The following LYPLAL1 variants were observed in gnomAD, a reference collection of about 807,000 sequenced individuals.
LYPLAL1 encodes lysophospholipase-like protein 1.
Under a neutral mutation model 19.7 loss-of-function variants are expected in LYPLAL1, and 23 were observed. The observed-to-expected ratio is 1.17, with a 90% CI of 0.84 to 1.65. The LOEUF is 1.65. Among genes scored for constraint, LYPLAL1 ranks in the 40% most tolerant of loss-of-function variants. LYPLAL1 has a pLI of 0.00. For synonymous variants in LYPLAL1, 119 were observed against 96.3 expected (o/e 1.24, Z -1.38); for missense variants, 355 against 279.4 (o/e 1.27, Z -1.93).
the LYPLAL1 span, among the ~76,000 whole-genome samples, chr1:219,297,194 A>T: frequency 6.6e-6 from 1 of 152,238 alleles, no homozygotes; most frequent in Non-Finnish European, 1.5e-5. Context: ...ACTGTTAAAG[A>T]ATTACCTACC....
the LYPLAL1 span, among the ~76,000 whole-genome samples, chr1:219,355,999 T>C: frequency 6.6e-6 from 1 of 152,166 alleles, no homozygotes; most frequent in Non-Finnish European, 1.5e-5. Context: ...CTTTATACTA[T>C]TAAAAATTCT....
chr1:219,319,219 T>A, the LYPLAL1 span, among the ~76,000 whole-genome samples: 543 of 152,312 alleles, frequency 3.6e-3, 6 homozygotes, highest in African/African-American at 0.012. Flanking sequence ...GCTGGGCAGC[T>A]GGACTCAGAC....
intron 2 of LYPLAL1, 37 bp from the exon 3 acceptor site, chr1:219,193,040 TTTTCC>T: frequency 5.5e-6 from 8 of 1,464,842 alleles, no homozygotes; most frequent in South Asian, 1.3e-5. Context: ...TCATATTCCC[TTTTCC>T]TTTCTTTTTT....
the LYPLAL1 span, among the ~76,000 whole-genome samples, chr1:219,305,173 A>G: frequency 6.6e-6 from 1 of 152,162 alleles, no homozygotes; most frequent in Non-Finnish European, 1.5e-5. Context: ...TACAGTGTGG[A>G]GATGAAAGGT....
At chr1:219,264,862 G>A in the LYPLAL1 span, among the ~76,000 whole-genome samples, 8 of 152,188 alleles carry the variant, frequency 5.3e-5, no homozygotes, top group Non-Finnish European at 7.3e-5. Context: ...ATAAGTCCCT[G>A]ATGTAAAACT....
At chr1:219,357,610 C>CA in the LYPLAL1 span, among the ~76,000 whole-genome samples, 2,200 of 152,140 alleles carry the variant, frequency 0.014, 67 homozygotes, top group Admixed American at 0.086. Flanking sequence ...CAAGTGGACC[C>CA]AAGGCACCAT....
At chr1:219,420,109 G>A in the LYPLAL1 span, among the ~76,000 whole-genome samples, 1 of 152,206 alleles carries the variant, frequency 6.6e-6, no homozygotes, top group African/African-American at 2.4e-5. Flanking sequence ...GATCTTGGCA[G>A]GAAGACTTGG....
chr1:219,444,070 T>C, the LYPLAL1 span, among the ~76,000 whole-genome samples: 1 of 150,294 alleles, frequency 6.7e-6, no homozygotes, highest in African/African-American at 2.4e-5. Context: ...TAGGAATCCA[T>C]TTTTTTTTTC....
the LYPLAL1 span, among the ~76,000 whole-genome samples, chr1:219,298,411 A>G: frequency 1.2e-4 from 18 of 152,254 alleles, no homozygotes; most frequent in Non-Finnish European, 2.2e-4. Context: ...ATATGAAAAC[A>G]CGACCACTAA....
chr1:219,207,224 G>T (rs1263749075), intron 3 of LYPLAL1, among the ~76,000 whole-genome samples: 1 of 151,802 alleles, frequency 6.6e-6, no homozygotes, highest in East Asian at 1.9e-4. Context: ...TTTAAATGGT[G>T]ACCATATTTT....
the LYPLAL1 span, among the ~76,000 whole-genome samples, chr1:219,402,697 G>C: frequency 6.7e-6 from 1 of 150,270 alleles, no homozygotes; most frequent in Non-Finnish European, 1.5e-5. Context: ...TGTATAGTAT[G>C]CATCATTTGG....
chr1:219,389,013 T>G, the LYPLAL1 span, among the ~76,000 whole-genome samples: 2 of 152,204 alleles, frequency 1.3e-5, no homozygotes, highest in African/African-American at 4.8e-5. Context: ...AAAGAGTTTC[T>G]TTACACATTT....
intron 1 of LYPLAL1, chr1:219,174,374 AAT>A: frequency 1.1e-6 from 1 of 887,398 alleles, no homozygotes; most frequent in African/African-American, 1.8e-5. Flanking sequence ...TTTCAGTCGT[AAT>A]TGCCCATTGC....
chr1:219,283,769 C>T, the LYPLAL1 span, among the ~76,000 whole-genome samples: 1 of 152,122 alleles, frequency 6.6e-6, no homozygotes, highest in East Asian at 1.9e-4. Context: ...TGTATTGCTG[C>T]ATTTGTGATC....
chr1:219,439,324 GT>G, the LYPLAL1 span, among the ~76,000 whole-genome samples: 1 of 152,136 alleles, frequency 6.6e-6, no homozygotes, highest in Non-Finnish European at 1.5e-5. Context: ...TAGATTACAA[GT>G]TTTTTGAGGA....
At chr1:219,384,732 T>A in the LYPLAL1 span, among the ~76,000 whole-genome samples, 1 of 152,216 alleles carries the variant, frequency 6.6e-6, no homozygotes, top group Non-Finnish European at 1.5e-5. Flanking sequence ...TATTGTTTGA[T>A]CTGTTTTATT....
chr1:219,402,438 T>G, the LYPLAL1 span, among the ~76,000 whole-genome samples: 1 of 152,124 alleles, frequency 6.6e-6, no homozygotes, highest in African/African-American at 2.4e-5. Flanking sequence ...ACATGATCAT[T>G]TATATTTGAA....
the LYPLAL1 span, among the ~76,000 whole-genome samples, chr1:219,312,964 C>G: frequency 4.4e-3 from 669 of 152,322 alleles, 7 homozygotes; most frequent in African/African-American, 0.015. Context: ...TACAGTCACA[C>G]TTCAATGATT....
At chr1:219,300,917 C>T in the LYPLAL1 span, among the ~76,000 whole-genome samples, 1 of 152,042 alleles carries the variant, frequency 6.6e-6, no homozygotes, top group Non-Finnish European at 1.5e-5. Context: ...AAGTTTGCTT[C>T]CTCTTTTCAA....
Sources: gnomAD v4.1 joint callset for allele counts (sites outside exome capture counted in the v4.1 genomes callset) on GRCh38, gnomAD v4.1.1 for gene constraint, MANE v1.5 for transcripts, NCBI Gene and HGNC (gene_info 2026-07-23, HGNC 2026-07-21) for gene names.